NIPA2: variants seen among roughly 807,000 people sequenced by gnomAD.
The protein encoded by NIPA2 is magnesium transporter NIPA2.
NIPA2 carries 11 observed loss-of-function variants against 29.7 expected under a neutral mutation model. The observed-to-expected ratio is 0.37, with a 90% CI of 0.23 to 0.61. The LOEUF is 0.61. NIPA2 is among the 20% of genes least tolerant of loss of function. NIPA2 has a pLI of 0.66. For synonymous variants in NIPA2, 183 were observed against 161.9 expected (o/e 1.13, Z -0.99); for missense variants, 426 against 437.9 (o/e 0.97, Z 0.24).
chr15:22,842,137 C>T (rs922240271), intron 2 of NIPA2, among the ~76,000 whole-genome samples: 1 of 152,106 alleles, frequency 6.6e-6, no homozygotes, highest in Non-Finnish European at 1.5e-5. Flanking sequence ...GGAGATAACC[C>T]CATGTGGGCT....
intron 5 of NIPA2, among the ~76,000 whole-genome samples, chr15:22,856,450 GTA>G (rs2058185779): frequency 6.6e-6 from 1 of 151,518 alleles, no homozygotes; most frequent in South Asian, 2.1e-4. Flanking sequence ...ATAGTAGAGA[GTA>G]TCCTGGATAA....
intron 2 of NIPA2, among the ~76,000 whole-genome samples, chr15:22,840,555 C>T (rs1460483616): frequency 6.6e-6 from 1 of 152,046 alleles, no homozygotes. Context: ...CCGCCTCGAC[C>T]CCCCAAAGTG....
At chr15:22,844,549 G>T (rs961777050) in intron 2 of NIPA2, among the ~76,000 whole-genome samples, 1 of 119,488 alleles carries the variant, frequency 8.4e-6, no homozygotes, top group East Asian at 3.0e-4. Flanking sequence ...GCAAGACTGT[G>T]ACTCAAAAAA....
At chr15:22,854,518 G>T (rs1416577390) in intron 5 of NIPA2, among the ~76,000 whole-genome samples, 6 of 151,494 alleles carry the variant, frequency 4.0e-5, no homozygotes, top group African/African-American at 1.5e-4. Flanking sequence ...GCCAAGGCGG[G>T]TGGATCACTT....
chr15:22,860,606 A>T, intron 6 of NIPA2, 23 bp from the exon 7 acceptor site: 1 of 1,494,078 alleles, frequency 6.7e-7, no homozygotes, highest in Non-Finnish European at 9.0e-7. Flanking sequence ...AAAGTTCTCA[A>T]TTTTTTTTCC....
In NIPA2 at chr15:22,866,492, T is replaced by A. The variant is rs1369263121; in HGVS notation, c.728T>A (p.Phe243Tyr). 6.2e-7 allele frequency: 1 copy of A among 1,613,980 alleles called. No individual in the cohort carries two copies. The highest frequency in any genetic ancestry group is 8.5e-7 in the Non-Finnish European group (1 of 1,179,864). The change falls in exon 8 of 8, where the codon TTC (phenylalanine) becomes TAC (tyrosine). Residue 243 changes from phenylalanine (F) to tyrosine (Y), a missense_variant. Physicochemically the swap from Phe to Tyr is conservative, Grantham distance 22 (BLOSUM62 3). This residue lies in a region of NIPA2 where 357 missense variants were observed against 339.8 expected (regional missense o/e 1.05). Transcript: ENST00000337451. ...INYLNRALDI[F>Y]NTSIVTPIYY... is the part of the protein sequence containing the mutation. ...TACCTAAATAGGGCCCTGGATATAT[T>A]CAACACTTCCATTGTGACTCCAATA...
rs571083459 is a variant in NIPA2 at position 22,854,407 on chromosome 15, G to A, written c.196+1139G>A. On this transcript the variant is annotated intron_variant, in intron 5 of 7. Transcript: ENST00000337451. ...CCCAAAGTGCTGGGATTACAGGTGT[G>A]AGCCACCGTGCCTGGCCTCTTAGTT... 2.0e-5 allele frequency among the ~76,000 whole-genome samples: 3 copies of A among 151,164 alleles called. No homozygotes were observed. The South Asian group carries it at 6.4e-4, about 32-fold the overall frequency.
At chr15:22,847,169 G>A (rs778659094) in intron 3 of NIPA2, among the ~76,000 whole-genome samples, 4 of 152,024 alleles carry the variant, frequency 2.6e-5, no homozygotes, top group Non-Finnish European at 5.9e-5. Context: ...TCCTCCCAAA[G>A]TGCTGGGATT....
rs537216934 is a variant in NIPA2 at position 22,854,460 on chromosome 15, T to C, written c.196+1192T>C. ...TTTTAAATGTACAATTAAATTATTATTGGGCCGGGCGCGGTGGCTCACACC... is the reference window on the plus strand; with the variant it reads ...TTTTAAATGTACAATTAAATTATTACTGGGCCGGGCGCGGTGGCTCACACC... On this transcript the variant is annotated intron_variant, in intron 5 of 7. Transcript: ENST00000337451. Among the ~76,000 whole-genome samples, 95 of 149,542 alleles carry C rather than the reference T, an allele frequency of 6.4e-4. 1 individual carries two copies. The highest frequency in any genetic ancestry group is 2.1e-3 in the African/African-American group (88 of 41,004).
rs1406195438 is a variant in NIPA2, at chr15:22,868,203, T to C, written c.*1356T>C. On this transcript the variant is annotated 3_prime_UTR_variant, in exon 8 of 8. Transcript: ENST00000337451. ...TTATTGGCCTTCTAAGGAGCTGTTTTAGATGTTTTTTCTAACTGCCTCCTC... is the reference window on the plus strand; with the variant it reads ...TTATTGGCCTTCTAAGGAGCTGTTTCAGATGTTTTTTCTAACTGCCTCCTC... 1 of 152,194 alleles carries C rather than the reference T, an allele frequency of 6.6e-6. No individual in the cohort carries two copies. The highest frequency in any genetic ancestry group is 1.9e-4 in the East Asian group (1 of 5,206). 9.4% of individuals were successfully genotyped at this position (152,194 alleles called of 1,614,324 possible).
At chr15:22,850,641 G>A (rs1477313447) in intron 3 of NIPA2, among the ~76,000 whole-genome samples, 6 of 152,214 alleles carry the variant, frequency 3.9e-5, no homozygotes, top group Admixed American at 2.0e-4. Context: ...CATAATAAAC[G>A]CTTAGCACAT....
intron 3 of NIPA2, among the ~76,000 whole-genome samples, chr15:22,848,194 G>A (rs555963751): frequency 1.4e-4 from 21 of 152,092 alleles, no homozygotes; most frequent in Non-Finnish European, 2.8e-4. Flanking sequence ...GGGCTGAAGC[G>A]TTTGGGTAGC....
chr15:22,839,074 C>T (rs1595664994), intron 1 of NIPA2, 153 bp downstream of exon 1: 1 of 152,226 alleles, frequency 6.6e-6, no homozygotes, highest in East Asian at 1.9e-4. Context: ...AGGAAACCCA[C>T]CGTGAATCGG....
At chr15:22,847,955 G>A (rs546426341) in intron 3 of NIPA2, among the ~76,000 whole-genome samples, 21 of 151,384 alleles carry the variant, frequency 1.4e-4, no homozygotes, top group Non-Finnish European at 2.2e-4. Flanking sequence ...GTGCCACCAC[G>A]CCCAGCTAAT....
rs577841217 is a variant in NIPA2 at position 22,860,004 on chromosome 15, A to T, written c.288-625A>T. ...GGAATAAGTTGAGTAAATTTTAAGC[A>T]CTGGTGGTTTGGATAGAGATTCTTT... On this transcript the variant is annotated intron_variant, in intron 6 of 7. Transcript: ENST00000337451. Among the ~76,000 whole-genome samples the T allele has an allele frequency of 3.3e-5, 5 of 151,262 alleles. No individual in the cohort carries two copies. The East Asian group carries it at 5.8e-4, about 18-fold the overall frequency.
At chr15:22,847,410 G>A (rs1899056965) in intron 3 of NIPA2, among the ~76,000 whole-genome samples, 4 of 151,936 alleles carry the variant, frequency 2.6e-5, no homozygotes, top group Admixed American at 2.6e-4. Flanking sequence ...AGTAGAACTT[G>A]CATGATAATT....
In NIPA2 at chr15:22,867,448, T is replaced by G; in HGVS notation, c.*601T>G. ...ATTTCTCAGGTTGAGATGATCACCG[T>G]GAATCCGGCTTCCTCTGAGCATTCG... is the stretch of plus-strand genomic sequence containing the variant. On this transcript the variant is annotated 3_prime_UTR_variant, in exon 8 of 8. Transcript: ENST00000337451. The G allele has an allele frequency of 2.8e-6, 1 of 352,744 alleles. No individual in the cohort carries two copies. Among genetic ancestry groups the G allele is most frequent in the Non-Finnish European group, 5.0e-6 (1 of 198,498 alleles). The allele number at this position is 352,744 out of a possible 1,614,324, so 21.9% of individuals were successfully genotyped here. A position where few individuals can be genotyped will look rare whatever the true frequency, so the allele number is the denominator to read the frequency against.
intron 2 of NIPA2, among the ~76,000 whole-genome samples, chr15:22,843,022 A>C (rs1372496387): frequency 6.6e-6 from 1 of 150,684 alleles, no homozygotes; most frequent in Non-Finnish European, 1.5e-5. Context: ...AAAAAGAGAG[A>C]TCTAAAAGGT....
At chr15:22,866,123 C>G (rs1014024859) in intron 7 of NIPA2, 90 bp from the exon 8 acceptor site, 7 of 1,050,194 alleles carry the variant, frequency 6.7e-6, no homozygotes, top group Admixed American at 5.1e-5. Context: ...TACCTTTTCT[C>G]CCTATCAAGT....
Sources: allele counts gnomAD v4.1 joint callset (sites outside exome capture counted in the v4.1 genomes callset), GRCh38; gene constraint gnomAD v4.1.1; regional missense constraint gnomAD v4.1.1; transcripts MANE v1.5; gene names NCBI Gene and HGNC (gene_info 2026-07-23, HGNC 2026-07-21).